ACSM2B: variants seen among roughly 807,000 people sequenced by gnomAD.
ACSM2B encodes acyl-CoA synthetase medium chain family member 2B.
Under a neutral mutation model 78.6 loss-of-function variants are expected in ACSM2B, and 58 were observed. The ratio of observed to expected loss-of-function variants is 0.74; its 90% CI spans 0.60 to 0.92. ACSM2B has a LOEUF of 0.92. Among genes scored for constraint, ACSM2B ranks in the 40% least tolerant of loss-of-function variants. ACSM2B has a pLI of 0.00. For synonymous variants in ACSM2B, 257 were observed against 256.8 expected (o/e 1.00, Z -0.01); for missense variants, 688 against 711.2 (o/e 0.97, Z 0.37).
chr16:20,562,612 T>G (rs12928358), intron 2 of ACSM2B, among the ~76,000 whole-genome samples: 64 of 152,246 alleles, frequency 4.2e-4, no homozygotes, highest in African/African-American at 6.5e-4. Context: ...CTCCCTTCTT[T>G]TTCAGGGACC....
At chr16:20,555,042 G>A (rs1210529186) in intron 4 of ACSM2B, among the ~76,000 whole-genome samples, 1 of 152,130 alleles carries the variant, frequency 6.6e-6, no homozygotes, top group Non-Finnish European at 1.5e-5. Flanking sequence ...AATCCTGGGA[G>A]GCATTCTATG....
At chr16:20,562,446 A>C (rs569909705) in intron 2 of ACSM2B, among the ~76,000 whole-genome samples, 39 of 152,172 alleles carry the variant, frequency 2.6e-4, no homozygotes, top group Non-Finnish European at 3.1e-4. Flanking sequence ...AACACATGAG[A>C]GTGTCTGTTT....
intron 1 of ACSM2B, among the ~76,000 whole-genome samples, chr16:20,568,251 T>C (rs1003427352): frequency 6.9e-6 from 1 of 144,634 alleles, no homozygotes; most frequent in African/African-American, 2.5e-5. Flanking sequence ...ATACTATATA[T>C]AGCCACACTA....
chr16:20,566,482 A>C lies in ACSM2B; in HGVS notation c.-8-1629T>G, dbSNP rs2015849478. Among the ~76,000 whole-genome samples the C allele has an allele frequency of 2.5e-5, 3 of 121,304 alleles. No homozygotes were observed. In the South Asian group the frequency reaches 6.9e-4, roughly 28 times the overall value. 79.6% of individuals were successfully genotyped at this position (121,304 alleles called of 152,430 possible). ...AATATATAATGTAATATTATATATT[A>C]TATAATAATACATATACTATATCTA... On this transcript the variant is annotated intron_variant, in intron 1 of 13. Coordinates refer to ENST00000329697, the MANE Select transcript of ACSM2B (RefSeq NM_001105069.2).
At chr16:20,575,384 C>G (rs2016217873) in intron 1 of ACSM2B, 3 of 151,560 alleles carry the variant, frequency 2.0e-5, no homozygotes, top group African/African-American at 7.2e-5. Context: ...ATATACACAA[C>G]TGTATATATA....
At chr16:20,555,613 A>G (rs916638559) in intron 3 of ACSM2B, 137 bp from the exon 4 acceptor site, 2 of 1,473,266 alleles carry the variant, frequency 1.4e-6, no homozygotes, top group African/African-American at 1.4e-5. Context: ...AACGTCAATA[A>G]AAAAGGGGAC....
rs376758629 is a variant in ACSM2B at position 20,544,597 on chromosome 16, T to G, written c.1281+560A>C. On this transcript the variant is annotated intron_variant, in intron 10 of 13. Transcript: ENST00000329697. ...AGGGATCAGAAGGCATGCCCTTGGG[T>G]TCTTCTCTGTCCACTTTCTAATGGT... is the stretch of plus-strand genomic sequence containing the variant. 1,510 of 984,938 alleles carry G rather than the reference T, an allele frequency of 1.5e-3. 22 individuals are homozygous for G. The South Asian group carries it at 0.027, about 18-fold the overall frequency. The allele number at this position is 984,938 out of a possible 1,614,324, so 61.0% of individuals were successfully genotyped here. A position where few individuals can be genotyped will look rare whatever the true frequency, so the allele number is the denominator to read the frequency against.
At chr16:20,562,324 G>T (rs945132605) in intron 2 of ACSM2B, among the ~76,000 whole-genome samples, 4 of 152,062 alleles carry the variant, frequency 2.6e-5, no homozygotes, top group African/African-American at 9.7e-5. Flanking sequence ...ATCCTCAGGG[G>T]TTCTCAGATC....
rs751598926 is a variant in ACSM2B at position 20,552,244 on chromosome 16, C to T, written c.794G>A (p.Trp265Ter). Residue 265 changes from tryptophan (W) to a stop codon, truncating the protein, a stop_gained, in exon 6 of 14, where the codon TGG becomes TAG. Coordinates refer to ENST00000329697, the MANE Select transcript of ACSM2B (RefSeq NM_001105069.2). LOFTEE classifies it high-confidence loss of function. Reference sequence around the variant, plus strand: ...AAGTGAGCCCAAGATGTTCAGTATCCAACCTGTGTCTGATATGGTCCACAT... The same window carrying T: ...AAGTGAGCCCAAGATGTTCAGTATCTAACCTGTGTCTGATATGGTCCACAT... ...DIMWTISDTG[W>*]ILNILGSLLE... 26 of 1,613,676 alleles carry T rather than the reference C, an allele frequency of 1.6e-5. No homozygotes were observed. The highest frequency in any genetic ancestry group is 2.1e-5 in the Non-Finnish European group (25 of 1,179,802).
chr16:20,538,183 G>A (rs7500194), intron 13 of ACSM2B, among the ~76,000 whole-genome samples: 131,199 of 152,184 alleles, frequency 0.86, 56,846 homozygotes, highest in African/African-American at 0.9. Context: ...CTGAGATGGA[G>A]AAAGTATCTT....
intron 1 of ACSM2B, among the ~76,000 whole-genome samples, chr16:20,568,923 T>A (rs1295099365): frequency 2.0e-5 from 3 of 151,878 alleles, no homozygotes; most frequent in Non-Finnish European, 4.4e-5. Flanking sequence ...CTTTTTTTAC[T>A]TGCTAATTTG....
intron 8 of ACSM2B, chr16:20,547,027 C>T: frequency 2.5e-6 from 2 of 804,146 alleles, no homozygotes; most frequent in Non-Finnish European, 3.1e-6. Context: ...AATGAACCTT[C>T]CCAACAGAAT....
intron 1 of ACSM2B, among the ~76,000 whole-genome samples, chr16:20,570,713 T>C (rs1282807937): frequency 2.6e-5 from 4 of 151,724 alleles, no homozygotes; most frequent in Admixed American, 6.6e-5. Context: ...GTTGTTGTTG[T>C]TGTTGATAAT....
intron 6 of ACSM2B, among the ~76,000 whole-genome samples, chr16:20,548,846 A>G (rs912695495): frequency 6.6e-6 from 1 of 152,166 alleles, no homozygotes; most frequent in Non-Finnish European, 1.5e-5. Context: ...GTCTTGGTTG[A>G]GTCCCTTAAC....
chr16:20,575,556 T>C (rs1438233185), intron 1 of ACSM2B: 1 of 151,926 alleles, frequency 6.6e-6, no homozygotes, highest in African/African-American at 2.4e-5. Context: ...AGATCTAGGC[T>C]GGGAAGCTAG....
At chr16:20,548,687 T>C (rs1471457220) in intron 6 of ACSM2B, among the ~76,000 whole-genome samples, 1 of 152,190 alleles carries the variant, frequency 6.6e-6, no homozygotes, top group Non-Finnish European at 1.5e-5. Context: ...ATTATTGTAG[T>C]GAAAAAGTCT....
At position 20,545,252 on chromosome 16, in the gene ACSM2B, C is replaced by T. The variant is rs191085834; in HGVS notation, c.1186G>A (p.Asp396Asn). The T allele has an allele frequency of 1.2e-6, 2 of 1,613,162 alleles. No individual in the cohort carries two copies. Among genetic ancestry groups the T allele is most frequent in the Admixed American group, 1.7e-5 (1 of 59,988 alleles). Reference protein sequence around the residue: ...AASCYDVQVIDDKGNVLPPGT... With the variant: ...AASCYDVQVINDKGNVLPPGT... The stretch of plus-strand genomic sequence containing the variant: ...GGGGGCAGGACGTTGCCCTTATCAT[C>T]TATAACCTGGAGAAAGAAGCATATT... The change falls in exon 10 of 14, where the codon GAT becomes AAT. Residue 396 changes from aspartate to asparagine, a missense_variant. By Grantham distance (23) the Asp-to-Asn change is conservative (BLOSUM62 1). Transcript: ENST00000329697.
intron 1 of ACSM2B, among the ~76,000 whole-genome samples, chr16:20,567,321 A>T (rs1306960127): frequency 4.2e-5 from 5 of 119,700 alleles, no homozygotes; most frequent in Non-Finnish European, 6.4e-5. Flanking sequence ...TATAATATGT[A>T]ATATACAGTA....
rs756428601 is a variant in ACSM2B, at chr16:20,552,280, G to A, written c.758C>T (p.Ala253Val). The change falls in exon 6 of 14, where the codon GCC (alanine) becomes GTC (valine). Residue 253 changes from alanine to valine, a missense_variant. Physicochemically the swap from Ala to Val is moderately conservative, Grantham distance 64. Transcript: ENST00000329697. ...KMDAGWTGLQ[A>V]SDIMWTISDT... ...TGATATGGTCCACATTATATCAGAGGCTTGCAGGCCTGTCCAACTGAAAAC... is the reference window on the plus strand; with the variant it reads ...TGATATGGTCCACATTATATCAGAGACTTGCAGGCCTGTCCAACTGAAAAC... 1.2e-6 allele frequency: 2 copies of A among 1,612,380 alleles called. No homozygotes were observed. The highest frequency in any genetic ancestry group is 4.5e-5 in the East Asian group (2 of 44,864).
Sources: allele counts gnomAD v4.1 joint callset (sites outside exome capture counted in the v4.1 genomes callset), GRCh38; gene constraint gnomAD v4.1.1; transcripts MANE v1.5; gene names NCBI Gene and HGNC (gene_info 2026-07-23, HGNC 2026-07-21).